SPG7: variants seen among roughly 807,000 people sequenced by gnomAD.
The protein encoded by SPG7 is SPG7 matrix AAA peptidase subunit, paraplegin.
Under a neutral mutation model 81.9 loss-of-function variants are expected in SPG7, and 103 were observed. The observed-to-expected ratio is 1.26, with a 90% confidence interval of 1.07 to 1.48. The LOEUF (loss-of-function observed/expected upper bound fraction) is 1.48, where lower values mean the gene tolerates loss of function less well. Ranked by LOEUF, SPG7 falls within the 40% of genes most tolerant of loss-of-function variation. The pLI is 0.00. For synonymous variants in SPG7, 534 were observed against 444.2 expected, an observed-to-expected ratio of 1.20 and a Z score of -2.54; for missense variants, 1,241 against 1,087.3, an observed-to-expected ratio of 1.14 and a Z score of -1.99.
chr16:89,529,636 CT>C, intron 6 of SPG7, 57 bp downstream of exon 6: 1 of 1,299,898 alleles, frequency 7.7e-7, no homozygotes, highest in Non-Finnish European at 1.1e-6. Context: ...TTGCTGAATA[CT>C]TTTCCCATAA....
At position 89,557,217 on chromosome 16, in the gene SPG7, A is replaced by G. The variant is rs1290248504; in HGVS notation, c.*124A>G. 4.5e-6 allele frequency: 3 copies of G among 662,868 alleles called. No homozygotes were observed. The highest frequency in any genetic ancestry group is 8.0e-6 in the Non-Finnish European group (3 of 372,870). The allele number at this position is 662,868 out of a possible 1,614,324, so 41.1% of individuals were successfully genotyped here. A position where few individuals can be genotyped will look rare whatever the true frequency, so the allele number is the denominator to read the frequency against. ...GGCCCTCAGTAGTCCCTGCACAGTGACTTCTGAGATCTGTTGATTGATGAC... is the reference window on the plus strand; with the variant it reads ...GGCCCTCAGTAGTCCCTGCACAGTGGCTTCTGAGATCTGTTGATTGATGAC... On this transcript the variant is annotated 3_prime_UTR_variant, in exon 17 of 17. Coordinates refer to ENST00000645818, the MANE Select transcript of SPG7 (RefSeq NM_003119.4).
chr16:89,512,016 A>G (rs1472363703), intron 2 of SPG7, among the ~76,000 whole-genome samples: 1 of 151,636 alleles, frequency 6.6e-6, no homozygotes, highest in Non-Finnish European at 1.5e-5. Context: ...GATTCCCGCC[A>G]TTCTCCTGCC....
At chr16:89,512,264 G>A (rs1232847300) in intron 2 of SPG7, among the ~76,000 whole-genome samples, 2 of 151,586 alleles carry the variant, frequency 1.3e-5, no homozygotes, top group African/African-American at 4.8e-5. Flanking sequence ...TCTGTGTGAG[G>A]AGTGTCGTGC....
chr16:89,512,408 C>T (rs1319790095), intron 2 of SPG7, among the ~76,000 whole-genome samples: 4 of 151,740 alleles, frequency 2.6e-5, no homozygotes, highest in Non-Finnish European at 4.4e-5. Flanking sequence ...CTCCGCCTCC[C>T]GGGTTCAAGC....
intron 11 of SPG7, 187 bp downstream of exon 11, chr16:89,546,947 C>T (rs1007583516): frequency 6.6e-6 from 4 of 610,366 alleles, no homozygotes; most frequent in African/African-American, 5.5e-5. Context: ...ACGGCACCCG[C>T]ACTCCGTCCT....
chr16:89,526,063 T>C (rs1252795856), intron 4 of SPG7, among the ~76,000 whole-genome samples: 1 of 152,204 alleles, frequency 6.6e-6, no homozygotes, highest in Non-Finnish European at 1.5e-5. Flanking sequence ...ATTAGGATAT[T>C]TTCAGCTTCC....
chr16:89,532,616 A>G lies in SPG7; in HGVS notation c.1304A>G (p.Gln435Arg). The G allele has an allele frequency of 6.2e-7, 1 of 1,613,684 alleles. No homozygotes were observed. Among genetic ancestry groups the G allele is most frequent in the South Asian group, 1.1e-5 (1 of 91,088 alleles). The change falls in exon 9 of 17, where the codon CAG (glutamine) becomes CGG (arginine). Residue 435 changes from glutamine (Q) to arginine (R), a missense_variant. Coordinates refer to ENST00000645818, the MANE Select transcript of SPG7 (RefSeq NM_003119.4). The stretch of plus-strand genomic sequence containing the variant: ...ACGGAGGAGGAGCAGACGCTCAACC[A>G]GCTTCTGGTAGAAATGGATGGTCAG... ...SNTEEEQTLN[Q>R]LLVEMDGMGT...
intron 7 of SPG7, 77 bp downstream of exon 7, chr16:89,530,885 A>T (rs915883668): frequency 3.1e-6 from 5 of 1,597,068 alleles, no homozygotes; most frequent in African/African-American, 1.3e-5. Context: ...CTCCTGCGGG[A>T]CCTGGAATTC....
At chr16:89,531,575 T>C (rs2058343025) in intron 7 of SPG7, 2 of 357,334 alleles carry the variant, frequency 5.6e-6, no homozygotes, top group South Asian at 2.5e-5. Context: ...GGTTTTTCCA[T>C]GTTGGCCAGG....
At chr16:89,511,158 A>G (rs2058016781) in intron 2 of SPG7, among the ~76,000 whole-genome samples, 3 of 152,200 alleles carry the variant, frequency 2.0e-5, no homozygotes. Context: ...TTTTTAAAAA[A>G]AATTCTGCTG....
intron 7 of SPG7, chr16:89,531,251 C>T (rs2058338563): frequency 3.1e-6 from 1 of 324,242 alleles, no homozygotes; most frequent in Admixed American, 4.0e-5. Context: ...AGGCCTGGTA[C>T]AGTGGGTCAC....
At position 89,544,878 on chromosome 16, in the gene SPG7, C is replaced by T. The variant is rs570513819; in HGVS notation, c.1449+106C>T. ...ACACTTCTTGGTGTGAAGCCTGTCA[C>T]AGCCCCACAGGTGCTGGCAGTGTCC... On this transcript the variant is annotated intron_variant, in intron 10 of 16. Coordinates refer to ENST00000645818, the MANE Select transcript of SPG7 (RefSeq NM_003119.4). The T allele has an allele frequency of 2.1e-6, 3 of 1,401,584 alleles. No homozygotes were observed. The South Asian group carries it at 3.5e-5, about 16-fold the overall frequency. The allele number at this position is 1,401,584 out of a possible 1,614,324, so 86.8% of individuals were successfully genotyped here. A position where few individuals can be genotyped will look rare whatever the true frequency, so the allele number is the denominator to read the frequency against.
At chr16:89,540,633 G>A (rs1033829764) in intron 9 of SPG7, 2 of 153,462 alleles carry the variant, frequency 1.3e-5, no homozygotes. Context: ...ACACGCTGCT[G>A]AGGATGCAAA....
At chr16:89,515,541 A>C (rs1368676022) in intron 3 of SPG7, among the ~76,000 whole-genome samples, 1 of 150,494 alleles carries the variant, frequency 6.6e-6, no homozygotes, top group African/African-American at 2.4e-5. Context: ...TGCTGGGATT[A>C]CAGGTGTGAG....
chr16:89,536,309 G>C (rs113521406), intron 9 of SPG7, among the ~76,000 whole-genome samples: 5 of 131,764 alleles, frequency 3.8e-5, no homozygotes, highest in Admixed American at 7.5e-5. Flanking sequence ...GTGGCCTTCA[G>C]TGTGGCCGCT....
chr16:89,515,823 T>C (rs1006761927), intron 3 of SPG7, among the ~76,000 whole-genome samples: 1 of 151,726 alleles, frequency 6.6e-6, no homozygotes, highest in Non-Finnish European at 1.5e-5. Flanking sequence ...TTCTCCTGCC[T>C]CAGCCTCTCG....
At chr16:89,529,433 G>A (rs374247535) in intron 5 of SPG7, 44 bp from the exon 6 acceptor site, 24 of 1,340,738 alleles carry the variant, frequency 1.8e-5, no homozygotes, top group East Asian at 7.1e-5. Context: ...CGTCTGTCAC[G>A]TGACACCGTC....
chr16:89,512,787 T>G (rs770705727), intron 2 of SPG7, among the ~76,000 whole-genome samples, 161 bp from the exon 3 acceptor site: 1 of 152,268 alleles, frequency 6.6e-6, no homozygotes, highest in Non-Finnish European at 1.5e-5. Context: ...CTAAGTGATA[T>G]AGGATATGCT....
At chr16:89,545,979 C>T (rs902498513) in intron 10 of SPG7, 90 of 422,442 alleles carry the variant, frequency 2.1e-4, no homozygotes, top group African/African-American at 1.7e-3. Flanking sequence ...CTACTATGGG[C>T]GTGCGCCGCC....
Sources: gnomAD v4.1 joint callset for allele counts (sites outside exome capture counted in the v4.1 genomes callset) on GRCh38, gnomAD v4.1.1 for gene constraint, MANE v1.5 for transcripts, NCBI Gene and HGNC (gene_info 2026-07-23, HGNC 2026-07-21) for gene names.